The following IPO11 variants were observed in gnomAD, a reference collection of about 807,000 sequenced individuals.
IPO11 encodes the protein importin-11.
In IPO11, 66 loss-of-function variants were observed where a neutral mutation model predicts 143.2. The ratio of observed to expected loss-of-function variants is 0.46; its 90% CI spans 0.38 to 0.57. The LOEUF (loss-of-function observed/expected upper bound fraction) is 0.57, where lower values mean the gene tolerates loss of function less well. Ranked by LOEUF, IPO11 falls within the 20% of genes least tolerant of loss-of-function variation. IPO11 has a pLI of 0.00. For synonymous variants in IPO11, 385 were observed against 377.8 expected (o/e 1.02, Z -0.22); for missense variants, 1,026 against 1,141.0 (o/e 0.90, Z 1.45).
intron 28 of IPO11, among the ~76,000 whole-genome samples, chr5:62,592,766 A>T (rs1745073341): frequency 6.6e-6 from 1 of 151,656 alleles, no homozygotes; most frequent in Non-Finnish European, 1.5e-5. Context: ...AAGGGGAAAA[A>T]CCCCTTATGA....
intron 1 of IPO11, among the ~76,000 whole-genome samples, chr5:62,416,030 A>C (rs1321888552): frequency 6.6e-6 from 1 of 151,992 alleles, no homozygotes; most frequent in African/African-American, 2.4e-5. Context: ...TGGAGAGTGG[A>C]AGTCTAAGAT....
intron 22 of IPO11, among the ~76,000 whole-genome samples, chr5:62,531,083 G>T (rs561777005): frequency 6.6e-6 from 1 of 152,110 alleles, no homozygotes; most frequent in African/African-American, 2.4e-5. Flanking sequence ...ATGTCCTTGA[G>T]TACTCAATGT....
chr5:62,555,355 TC>T (rs2112356104), intron 26 of IPO11, among the ~76,000 whole-genome samples: 1 of 152,002 alleles, frequency 6.6e-6, no homozygotes, highest in South Asian at 2.1e-4. Flanking sequence ...CACTCCATCA[TC>T]CAGGCTAGAA....
chr5:62,552,088 C>T (rs1218302934), intron 26 of IPO11, among the ~76,000 whole-genome samples: 2 of 152,020 alleles, frequency 1.3e-5, no homozygotes, highest in Non-Finnish European at 2.9e-5. Flanking sequence ...CATGCCACTG[C>T]ACTCCAGCCT....
At chr5:62,453,477 A>T (rs1427643602) in intron 5 of IPO11, among the ~76,000 whole-genome samples, 1 of 144,882 alleles carries the variant, frequency 6.9e-6, no homozygotes, top group African/African-American at 2.9e-5. Flanking sequence ...CTAGAAGAAA[A>T]TACTTGTCCT....
intron 27 of IPO11, among the ~76,000 whole-genome samples, chr5:62,569,955 C>T (rs959831494): frequency 6.6e-6 from 1 of 152,034 alleles, no homozygotes; most frequent in African/African-American, 2.4e-5. Context: ...TTTGATGCAG[C>T]TTTTATTTTT....
chr5:62,468,138 ACTC>A (rs1745632989), intron 6 of IPO11, among the ~76,000 whole-genome samples: 2 of 150,540 alleles, frequency 1.3e-5, no homozygotes, highest in African/African-American at 4.9e-5. Flanking sequence ...CTGGTCTTGA[ACTC>A]CTAGCTTTAA....
At chr5:62,596,152 G>A (rs1745205890) in intron 28 of IPO11, among the ~76,000 whole-genome samples, 1 of 150,008 alleles carries the variant, frequency 6.7e-6, no homozygotes. Context: ...TCCCTGCTTA[G>A]CAGCTGCTTG....
rs922176085 is a variant in IPO11, at chr5:62,628,483, C to G, written c.*1165C>G. The G allele has an allele frequency of 6.6e-6, 1 of 152,514 alleles. No individual in the cohort carries two copies. The highest frequency in any genetic ancestry group is 6.6e-5 in the Admixed American group (1 of 15,262). The allele number at this position is 152,514 out of a possible 1,614,324, so 9.4% of individuals were successfully genotyped here. A position where few individuals can be genotyped will look rare whatever the true frequency, so the allele number is the denominator to read the frequency against. On this transcript the variant is annotated 3_prime_UTR_variant, in exon 30 of 30. Transcript: ENST00000325324. ...TATGTAACTGCGGGAAACCCACTGC[C>G]CCTTTGTAAGCTGTGGAACCCAAAC...
intron 29 of IPO11, among the ~76,000 whole-genome samples, chr5:62,612,304 A>G (rs1342134779): frequency 2.0e-5 from 3 of 152,122 alleles, no homozygotes; most frequent in African/African-American, 7.2e-5. Context: ...AATGTGACAG[A>G]GAATGGGGGT....
Position 62,506,312 on chromosome 5 carries a change from T to C in IPO11, c.1737T>C (p.His579=). Residue 579 remains histidine (H), a synonymous_variant, in exon 19 of 30, where the codon CAT becomes CAC. Coordinates refer to ENST00000325324, the MANE Select transcript of IPO11 (RefSeq NM_016338.5). ...TTACAGAATGTGACACAAAGATGCA[T>C]GTTTTGCATGTCCTTTCTTGTGTGA... The part of the protein sequence containing the change: ...QQVTECDTKM[H]VLHVLSCVIE... The C allele has an allele frequency of 1.2e-6, 2 of 1,611,652 alleles. No individual in the cohort carries two copies. Among genetic ancestry groups the C allele is most frequent in the Non-Finnish European group, 1.7e-6 (2 of 1,178,476 alleles).
rs1211922574 is a variant in IPO11, at chr5:62,536,772, A to G, written c.2160A>G (p.Glu720=). 23 of 1,562,956 alleles carry G rather than the reference A, an allele frequency of 1.5e-5. No homozygotes were observed. Among genetic ancestry groups the G allele is most frequent in the Non-Finnish European group, 1.9e-5 (22 of 1,161,012 alleles). The change falls in exon 23 of 30, where the codon GAA becomes GAG. Residue 720 remains glutamate (E), a synonymous_variant. Coordinates refer to ENST00000325324, the MANE Select transcript of IPO11 (RefSeq NM_016338.5). ...INGYIFLSST[E]FLQTYAVGLC... ...GTTATATCTTTTTATCATCAACAGA[A>G]TTTTTACAGGTATGTTGGAGTACTT...
At chr5:62,516,685 A>C (rs1742032163) in intron 20 of IPO11, among the ~76,000 whole-genome samples, 2 of 152,118 alleles carry the variant, frequency 1.3e-5, no homozygotes. Flanking sequence ...TTTAATGTAC[A>C]TTTCCCTGCT....
chr5:62,442,464 A>G (rs1273355390), intron 2 of IPO11, among the ~76,000 whole-genome samples: 9 of 152,234 alleles, frequency 5.9e-5, no homozygotes, highest in Admixed American at 5.9e-4. Flanking sequence ...GTTAACATAC[A>G]ACTGAGCAGG....
rs138490998 is a variant in IPO11 at position 62,451,844 on chromosome 5, C to T, written c.427C>T (p.Arg143Ter). ...IESVKVQDDLRQHRALLTFYH... is the reference protein window; with the variant it reads ...IESVKVQDDL ...GTCTGTTAAAGTCCAGGATGATCTT[C>T]GACAGCACAGAGCATTACTTACCTT... The change falls in exon 5 of 30, where the codon CGA becomes TGA. Residue 143 changes from arginine to a stop codon, truncating the protein, a stop_gained. Transcript: ENST00000325324. LOFTEE classifies it high-confidence loss of function. The T allele has an allele frequency of 6.2e-7, 1 of 1,613,550 alleles. No individual in the cohort carries two copies. Among genetic ancestry groups the T allele is most frequent in the Non-Finnish European group, 8.5e-7 (1 of 1,179,574 alleles).
At chr5:62,622,942 G>A (rs552814078) in intron 29 of IPO11, among the ~76,000 whole-genome samples, 1 of 152,272 alleles carries the variant, frequency 6.6e-6, no homozygotes, top group South Asian at 2.1e-4. Flanking sequence ...GGACAGATTG[G>A]GTTTTACAGT....
intron 15 of IPO11, among the ~76,000 whole-genome samples, chr5:62,491,899 T>C (rs899462430): frequency 6.6e-6 from 1 of 152,116 alleles, no homozygotes; most frequent in African/African-American, 2.4e-5. Context: ...CTCGATCTCC[T>C]GACCTCGTGA....
intron 5 of IPO11, among the ~76,000 whole-genome samples, chr5:62,460,683 A>G (rs1430678043): frequency 1.3e-5 from 2 of 152,214 alleles, no homozygotes; most frequent in African/African-American, 4.8e-5. Flanking sequence ...AGTAGGTGGC[A>G]CTGTTTCTTC....
At chr5:62,437,225 T>G in intron 1 of IPO11, 49 bp from the exon 2 acceptor site, 1 of 1,433,964 alleles carries the variant, frequency 7.0e-7, no homozygotes, top group South Asian at 1.4e-5. Context: ...ACTGTTAATT[T>G]TTTATTACTT....
Sources: gnomAD v4.1 joint callset for allele counts (sites outside exome capture counted in the v4.1 genomes callset) on GRCh38, gnomAD v4.1.1 for gene constraint, MANE v1.5 for transcripts, NCBI Gene and HGNC (gene_info 2026-07-23, HGNC 2026-07-21) for gene names.